The following FARSB variants were observed in gnomAD, a reference collection of about 807,000 sequenced individuals.
The protein encoded by FARSB is phenylalanyl-tRNA synthetase subunit beta, also known as phenylalanine--tRNA ligase beta subunit.
FARSB carries 40 observed loss-of-function variants against 69.6 expected under a neutral mutation model. The observed-to-expected ratio is 0.57, with a 90% confidence interval of 0.45 to 0.75. The LOEUF is 0.75. Ranked by LOEUF, FARSB falls within the 30% of genes least tolerant of loss-of-function variation. The pLI, the probability that FARSB is intolerant of heterozygous loss-of-function variation, is 0.00. For synonymous variants in FARSB, 235 were observed against 247.2 expected, an observed-to-expected ratio of 0.95 and a Z score of 0.46; for missense variants, 632 against 722.9, an observed-to-expected ratio of 0.87 and a Z score of 1.44.
Position 222,630,187 on chromosome 2 carries a change from GA to G in FARSB, c.787-14del. On this transcript the variant is annotated splice_polypyrimidine_tract_variant and intron_variant, in intron 8 of 16. Coordinates refer to ENST00000281828, the MANE Select transcript of FARSB (RefSeq NM_005687.5). ...GAACTATTTTTGCCTGCAAAGAAAA[GA>G]AAAACAAATATAGTAATCTATAAAT... 1 of 1,367,724 alleles carries G rather than the reference GA, an allele frequency of 7.3e-7. No individual in the cohort carries two copies. Among genetic ancestry groups the G allele is most frequent in the African/African-American group, 1.5e-5 (1 of 66,998 alleles). 84.7% of individuals were successfully genotyped at this position (1,367,724 alleles called of 1,614,324 possible). A position where few individuals can be genotyped will look rare whatever the true frequency, so the allele number is the denominator to read the frequency against.
chr2:222,632,783 C>T (rs1158458224), intron 7 of FARSB, among the ~76,000 whole-genome samples: 4 of 150,682 alleles, frequency 2.7e-5, no homozygotes, highest in Admixed American at 2.0e-4. Flanking sequence ...CACTGCACTC[C>T]AGCCTGGGCG....
intron 1 of FARSB, among the ~76,000 whole-genome samples, chr2:222,649,272 A>C (rs1353187377): frequency 4.0e-5 from 6 of 151,528 alleles, no homozygotes; most frequent in East Asian, 3.8e-4. Flanking sequence ...TGGGCCAAAA[A>C]AATTTAAGAT....
chr2:222,584,169 TATTCA>T (rs1690044130), intron 16 of FARSB, among the ~76,000 whole-genome samples: 1 of 152,092 alleles, frequency 6.6e-6, no homozygotes, highest in African/African-American at 2.4e-5. Context: ...TACACCAAAG[TATTCA>T]GGGGTAACAC....
intron 16 of FARSB, among the ~76,000 whole-genome samples, chr2:222,586,580 C>G (rs1690118605): frequency 6.6e-6 from 1 of 152,006 alleles, no homozygotes; most frequent in Admixed American, 6.6e-5. Context: ...TGGATAGAAT[C>G]AAGACCCATC....
In FARSB at chr2:222,603,541, C is replaced by T. The variant is rs568131680; in HGVS notation, c.1463-3458G>A. 1.6e-3 allele frequency among the ~76,000 whole-genome samples: 247 copies of T among 151,424 alleles called. 1 individual carries two copies. The highest frequency in any genetic ancestry group is 2.8e-3 in the Non-Finnish European group (189 of 67,880). ...AATCTTATTTAATTCTCAAGACAACCATGCAAAGTAAGTATTATTATTCCT... is the reference window on the plus strand; with the variant it reads ...AATCTTATTTAATTCTCAAGACAACTATGCAAAGTAAGTATTATTATTCCT... On this transcript the variant is annotated intron_variant, in intron 15 of 16. Transcript: ENST00000281828.
intron 16 of FARSB, among the ~76,000 whole-genome samples, chr2:222,596,894 A>C (rs1346031546): frequency 3.9e-5 from 6 of 152,198 alleles, no homozygotes. Flanking sequence ...TTGACAAGCC[A>C]CTTCTTTATA....
At chr2:222,618,857 A>G (rs188524536) in intron 14 of FARSB, among the ~76,000 whole-genome samples, 102 of 152,218 alleles carry the variant, frequency 6.7e-4, no homozygotes, top group African/African-American at 2.4e-3. Flanking sequence ...AAGAGATGAA[A>G]CCTGGCTAGG....
chr2:222,571,256 A>C lies in FARSB; in HGVS notation c.*615T>G, dbSNP rs1273014943. ...CATGTACTCTATCTTAGAGTATCAC[A>C]GATAGAGTAAAAAATACCTATGCAC... is the stretch of plus-strand genomic sequence containing the variant. On this transcript the variant is annotated 3_prime_UTR_variant, in exon 17 of 17. Transcript: ENST00000281828. 6.6e-6 allele frequency: 1 copy of C among 152,250 alleles called. No homozygotes were observed. The highest frequency in any genetic ancestry group is 1.5e-5 in the Non-Finnish European group (1 of 68,068). The allele number at this position is 152,250 out of a possible 1,614,324, so 9.4% of individuals were successfully genotyped here.
intron 15 of FARSB, among the ~76,000 whole-genome samples, chr2:222,600,308 A>G (rs1418370246): frequency 6.6e-6 from 1 of 151,886 alleles, no homozygotes; most frequent in Non-Finnish European, 1.5e-5. Flanking sequence ...AAAACCCTCA[A>G]TGCTGACCAG....
chr2:222,605,963 A>G (rs1192625314), intron 15 of FARSB, among the ~76,000 whole-genome samples: 1 of 152,116 alleles, frequency 6.6e-6, no homozygotes, highest in African/African-American at 2.4e-5. Flanking sequence ...AAAAATTTAT[A>G]CTCTATTTCA....
intron 16 of FARSB, among the ~76,000 whole-genome samples, chr2:222,572,519 C>T (rs1293168918): frequency 6.6e-6 from 1 of 152,202 alleles, no homozygotes; most frequent in East Asian, 1.9e-4. Flanking sequence ...CACCTTATTA[C>T]ATAAAGAAAC....
rs544812244 is a variant in FARSB, at chr2:222,583,775, T to G, written c.1619-11753A>C. ...GACATAGAGGCAGTTATCCCCATGC[T>G]GTTCTTGTGATATTAAGGGAGTTCT... On this transcript the variant is annotated intron_variant, in intron 16 of 16. Transcript: ENST00000281828. Among the ~76,000 whole-genome samples, 296 of 152,344 alleles carry G rather than the reference T, an allele frequency of 1.9e-3. 1 individual carries two copies. The highest frequency in any genetic ancestry group is 6.7e-3 in the African/African-American group (279 of 41,578).
chr2:222,585,058 A>AC (rs1690073130), intron 16 of FARSB, among the ~76,000 whole-genome samples: 1 of 152,106 alleles, frequency 6.6e-6, no homozygotes, highest in African/African-American at 2.4e-5. Flanking sequence ...TGGGTCCCTG[A>AC]CCCCCGAGTA....
At chr2:222,627,934 G>A (rs1450522708) in intron 10 of FARSB, among the ~76,000 whole-genome samples, 3 of 152,182 alleles carry the variant, frequency 2.0e-5, no homozygotes, top group East Asian at 1.9e-4. Context: ...TGAGAACCAC[G>A]AAGTGACTGT....
intron 14 of FARSB, among the ~76,000 whole-genome samples, chr2:222,617,449 TG>T (rs1380423900): frequency 2.6e-5 from 4 of 151,996 alleles, no homozygotes; most frequent in African/African-American, 9.7e-5. Context: ...AAGAGAGAGG[TG>T]GGGAGCAAGA....
At chr2:222,652,391 C>G (rs1692060710) in intron 1 of FARSB, among the ~76,000 whole-genome samples, 2 of 152,174 alleles carry the variant, frequency 1.3e-5, no homozygotes, top group South Asian at 4.1e-4. Context: ...TATTCACACC[C>G]TTGTACTGTT....
At chr2:222,581,976 C>T (rs1689983026) in intron 16 of FARSB, among the ~76,000 whole-genome samples, 1 of 152,122 alleles carries the variant, frequency 6.6e-6, no homozygotes, top group Non-Finnish European at 1.5e-5. Context: ...AGCGTTTGTA[C>T]AACGTTGGAA....
At chr2:222,631,455 A>G in intron 8 of FARSB, 149 bp downstream of exon 8, 1 of 636,158 alleles carries the variant, frequency 1.6e-6, no homozygotes, top group East Asian at 2.9e-5. Flanking sequence ...AAAGTGTAGA[A>G]TATCTCTATC....
intron 16 of FARSB, among the ~76,000 whole-genome samples, chr2:222,590,260 C>G (rs1048064491): frequency 2.6e-5 from 4 of 151,546 alleles, no homozygotes; most frequent in African/African-American, 9.7e-5. Flanking sequence ...CAAACTATTG[C>G]AAGGACAAAA....
Sources: allele counts gnomAD v4.1 joint callset (sites outside exome capture counted in the v4.1 genomes callset), GRCh38; gene constraint gnomAD v4.1.1; transcripts MANE v1.5; gene names NCBI Gene and HGNC (gene_info 2026-07-23, HGNC 2026-07-21).